Variants in MRTFB observed in about 807,000 individuals in gnomAD.
MRTFB encodes myocardin related transcription factor B.
Under a neutral mutation model 104.2 loss-of-function variants are expected in MRTFB, and 29 were observed. The ratio of observed to expected loss-of-function variants is 0.28; its 90% CI spans 0.21 to 0.38. MRTFB has a LOEUF of 0.38. Among genes scored for constraint, MRTFB ranks in the 10% least tolerant of loss-of-function variants. The pLI is 1.00. For synonymous variants in MRTFB, 535 were observed against 519.5 expected (o/e 1.03, Z -0.41); for missense variants, 1,270 against 1,341.6 (o/e 0.95, Z 0.83).
intron 3 of MRTFB, among the ~76,000 whole-genome samples, chr16:14,158,879 C>T (rs1354087509): frequency 1.3e-5 from 2 of 151,490 alleles, no homozygotes; most frequent in Admixed American, 6.6e-5. Context: ...CGCCTGTAAT[C>T]GCAGCCACTT....
At chr16:14,017,080 G>A in the MRTFB span, among the ~76,000 whole-genome samples, 14 of 131,936 alleles carry the variant, frequency 1.1e-4, no homozygotes, top group Non-Finnish European at 2.1e-4. Flanking sequence ...TTTTTGAGAC[G>A]GAGTCTCGCT....
the MRTFB span, among the ~76,000 whole-genome samples, chr16:14,060,310 A>C: frequency 3.9e-5 from 6 of 152,050 alleles, no homozygotes; most frequent in Admixed American, 3.9e-4. Context: ...CCCGACTGAG[A>C]CACATAATTT....
At chr16:14,051,448 C>T in the MRTFB span, among the ~76,000 whole-genome samples, 3 of 151,964 alleles carry the variant, frequency 2.0e-5, no homozygotes, top group Non-Finnish European at 2.9e-5. Context: ...GACATACCAA[C>T]ACAGAAGCAC....
In MRTFB at chr16:14,262,575, C is replaced by T. The variant is rs974636529; in HGVS notation, c.*1131C>T. The T allele has an allele frequency of 6.6e-6, 1 of 152,210 alleles. No homozygotes were observed. Among genetic ancestry groups the T allele is most frequent in the African/African-American group, 2.4e-5 (1 of 41,440 alleles). 9.4% of individuals were successfully genotyped at this position (152,210 alleles called of 1,614,324 possible). On this transcript the variant is annotated 3_prime_UTR_variant, in exon 17 of 17. Transcript: ENST00000571589. ...TGGCCCTCTTTCTTCTGTCACTAACCCTGGTTATCATTTTACAGGCTTGTA... is the reference window on the plus strand; with the variant it reads ...TGGCCCTCTTTCTTCTGTCACTAACTCTGGTTATCATTTTACAGGCTTGTA...
At chr16:14,245,081 C>G (rs1411912842) in intron 10 of MRTFB, among the ~76,000 whole-genome samples, 1 of 152,196 alleles carries the variant, frequency 6.6e-6, no homozygotes, top group Non-Finnish European at 1.5e-5. Context: ...AAGTCCCGCC[C>G]TCTCTCCACT....
chr16:14,217,069 A>T (rs1472590365), intron 6 of MRTFB, 57 bp from the exon 7 acceptor site: 73 of 1,509,910 alleles, frequency 4.8e-5, no homozygotes, highest in Non-Finnish European at 6.2e-5. Context: ...CTGAAATAAC[A>T]TTATGGAATA....
At chr16:14,007,498 A>G in the MRTFB span, among the ~76,000 whole-genome samples, 1 of 152,062 alleles carries the variant, frequency 6.6e-6, no homozygotes, top group Non-Finnish European at 1.5e-5. Flanking sequence ...GGTGATTTCC[A>G]CTTTTGGCTA....
intron 11 of MRTFB, 21 bp downstream of exon 11, chr16:14,245,681 T>G: frequency 6.2e-7 from 1 of 1,603,978 alleles, no homozygotes; most frequent in Non-Finnish European, 8.5e-7. Flanking sequence ...CAACTGGAGC[T>G]TATTCACCCC....
chr16:14,101,478 A>G (rs1223697146), intron 2 of MRTFB, among the ~76,000 whole-genome samples: 1 of 152,178 alleles, frequency 6.6e-6, no homozygotes, highest in Non-Finnish European at 1.5e-5. Flanking sequence ...TTTATTTTAC[A>G]TTGACTACAC....
intron 10 of MRTFB, chr16:14,240,867 A>C: frequency 1.6e-6 from 1 of 629,606 alleles, no homozygotes; most frequent in African/African-American, 1.8e-5. Context: ...TGGTCAAAGG[A>C]AAGCCTGGTG....
At position 14,254,152 on chromosome 16, in the gene MRTFB, A is replaced by G. The variant is rs558585788; in HGVS notation, c.2703+1650A>G. Among the ~76,000 whole-genome samples the G allele has an allele frequency of 3.3e-5, 5 of 152,280 alleles. No homozygotes were observed. The South Asian group carries it at 6.2e-4, about 19-fold the overall frequency. ...TTCTACACTGGTTTTTGGTTATTCAAATGAGTAGCCACCTGTAGGTCCTGC... is the reference window on the plus strand; with the variant it reads ...TTCTACACTGGTTTTTGGTTATTCAGATGAGTAGCCACCTGTAGGTCCTGC... On this transcript the variant is annotated intron_variant, in intron 15 of 16. Coordinates refer to ENST00000571589, the MANE Select transcript of MRTFB (RefSeq NM_001308142.2).
Position 14,261,509 on chromosome 16 carries a change from T to C in MRTFB, c.*65T>C. 1.4e-6 allele frequency: 2 copies of C among 1,448,616 alleles called. No individual in the cohort carries two copies. The highest frequency in any genetic ancestry group is 1.9e-6 in the Non-Finnish European group (2 of 1,071,162). 89.7% of individuals were successfully genotyped at this position (1,448,616 alleles called of 1,614,324 possible). ...AACATGAAGATTCTAAAAGGTCAGT[T>C]TTTAGAGATAGATCTATAGTTGCAT... On this transcript the variant is annotated 3_prime_UTR_variant, in exon 17 of 17. Transcript: ENST00000571589.
the MRTFB span, chr16:14,013,101 A>C: frequency 6.6e-6 from 1 of 152,160 alleles, no homozygotes; most frequent in African/African-American, 2.4e-5. Context: ...ATTGAACTTG[A>C]GATTTCAAGA....
the MRTFB span, among the ~76,000 whole-genome samples, chr16:14,054,160 T>C: frequency 1.2e-4 from 18 of 152,130 alleles, no homozygotes; most frequent in African/African-American, 4.3e-4. Flanking sequence ...CTGCTGGGGT[T>C]CTCCTTTTCC....
chr16:14,208,418 A>C (rs1004494071), intron 3 of MRTFB, among the ~76,000 whole-genome samples: 6 of 152,264 alleles, frequency 3.9e-5, no homozygotes, highest in African/African-American at 1.2e-4. Context: ...TTTTTGTTTT[A>C]AACCAAAAAG....
chr16:14,025,776 T>C, the MRTFB span, among the ~76,000 whole-genome samples: 11 of 152,136 alleles, frequency 7.2e-5, no homozygotes, highest in Admixed American at 5.9e-4. Context: ...TATAGCAAGC[T>C]AACAGGATGC....
At chr16:14,048,275 A>G in the MRTFB span, among the ~76,000 whole-genome samples, 4 of 152,312 alleles carry the variant, frequency 2.6e-5, no homozygotes, top group East Asian at 3.9e-4. Context: ...CCAACCTACA[A>G]TGTCAACCAC....
chr16:14,208,276 C>T (rs183859486), intron 3 of MRTFB, among the ~76,000 whole-genome samples: 1 of 152,298 alleles, frequency 6.6e-6, no homozygotes, highest in Admixed American at 6.5e-5. Context: ...GACTAACCAG[C>T]TGTTGTCATC....
chr16:14,047,316 A>T, the MRTFB span, among the ~76,000 whole-genome samples: 1 of 152,144 alleles, frequency 6.6e-6, no homozygotes, highest in Non-Finnish European at 1.5e-5. Context: ...TGGTCATAGG[A>T]TAGCTGGACA....
Sources: gnomAD v4.1 joint callset for allele counts (sites outside exome capture counted in the v4.1 genomes callset) on GRCh38, gnomAD v4.1.1 for gene constraint, MANE v1.5 for transcripts, NCBI Gene and HGNC (gene_info 2026-07-23, HGNC 2026-07-21) for gene names.